The following CCBE1 variants were observed in gnomAD, a reference collection of about 807,000 sequenced individuals.
The protein encoded by CCBE1 is collagen and calcium binding EGF domains 1.
CCBE1 carries 37 observed loss-of-function variants against 50.0 expected under a neutral mutation model. The observed-to-expected ratio is 0.74, with a 90% confidence interval of 0.57 to 0.97. The LOEUF (loss-of-function observed/expected upper bound fraction) is 0.97. Ranked by LOEUF, CCBE1 falls within the 50% of genes least tolerant of loss-of-function variation. CCBE1 has a pLI of 0.00. For missense variants in CCBE1, 538 were observed against 523.8 expected, an observed-to-expected ratio of 1.03 and a Z score of -0.26; for synonymous variants, 234 against 203.7, an observed-to-expected ratio of 1.15 and a Z score of -1.27.
At chr18:59,692,049 A>C (rs1170648751) in intron 2 of CCBE1, among the ~76,000 whole-genome samples, 1 of 152,166 alleles carries the variant, frequency 6.6e-6, no homozygotes, top group South Asian at 2.1e-4. Context: ...TCCCCAGGGC[A>C]CTAGGTTTCT....
chr18:59,479,494 A>G (rs1371102985), intron 3 of CCBE1, among the ~76,000 whole-genome samples: 1 of 152,360 alleles, frequency 6.6e-6, no homozygotes, highest in Non-Finnish European at 1.5e-5. Context: ...CAAGCATATA[A>G]TAAGAAACAG....
chr18:59,454,386 A>T (rs993419184), intron 6 of CCBE1, among the ~76,000 whole-genome samples: 6 of 152,126 alleles, frequency 3.9e-5, no homozygotes, highest in African/African-American at 1.4e-4. Context: ...CTGGGATTAC[A>T]GGTGCCCACC....
At chr18:59,456,708 T>G (rs2143681886) in intron 5 of CCBE1, among the ~76,000 whole-genome samples, 1 of 152,272 alleles carries the variant, frequency 6.6e-6, no homozygotes, top group East Asian at 1.9e-4. Flanking sequence ...GAGGGAGAGA[T>G]GGGCATGAGG....
At chr18:59,581,029 T>C (rs918390945) in intron 2 of CCBE1, among the ~76,000 whole-genome samples, 15 of 152,138 alleles carry the variant, frequency 9.9e-5, no homozygotes, top group African/African-American at 3.4e-4. Flanking sequence ...CGCCAACACA[T>C]CTGAAACTGA....
chr18:59,689,397 C>T (rs1166723444), intron 2 of CCBE1, among the ~76,000 whole-genome samples: 1 of 152,224 alleles, frequency 6.6e-6, no homozygotes, highest in African/African-American at 2.4e-5. Context: ...ACTAGTTCTA[C>T]CACAACCAAT....
chr18:59,610,673 T>G (rs1016340641), intron 2 of CCBE1, among the ~76,000 whole-genome samples: 2 of 152,232 alleles, frequency 1.3e-5, no homozygotes, highest in South Asian at 2.1e-4. Flanking sequence ...GAAAGGAGCA[T>G]GGGTGCCTGC....
At chr18:59,539,863 G>C (rs1382950529) in intron 2 of CCBE1, among the ~76,000 whole-genome samples, 1 of 152,032 alleles carries the variant, frequency 6.6e-6, no homozygotes, top group African/African-American at 2.4e-5. Flanking sequence ...ACTTTCTATA[G>C]TTTACATTTT....
intron 2 of CCBE1, among the ~76,000 whole-genome samples, chr18:59,656,744 T>A (rs1371009029): frequency 1.3e-5 from 2 of 152,260 alleles, no homozygotes; most frequent in Non-Finnish European, 2.9e-5. Flanking sequence ...GAGCAAATGC[T>A]AATTTTGTAG....
At chr18:59,666,831 G>A (rs993803913) in intron 2 of CCBE1, among the ~76,000 whole-genome samples, 1 of 152,120 alleles carries the variant, frequency 6.6e-6, no homozygotes, top group Non-Finnish European at 1.5e-5. Context: ...TGGGTGTGGT[G>A]GTGCGTGCCT....
chr18:59,663,449 C>T (rs1385141937), intron 2 of CCBE1, among the ~76,000 whole-genome samples: 1 of 152,144 alleles, frequency 6.6e-6, no homozygotes, highest in East Asian at 1.9e-4. Context: ...GTGCCCCTTT[C>T]ATTTTTAAAA....
At position 59,672,524 on chromosome 18, in the gene CCBE1, A is replaced by C. The variant is rs566462907; in HGVS notation, c.212+24105T>G. ...CTGATTGATGAGGGACCAAGTGGAG[A>C]GGTCAGCTGGAAGAGAACTGAAGCA... On this transcript the variant is annotated intron_variant, in intron 2 of 10. Coordinates refer to ENST00000439986, the MANE Select transcript of CCBE1 (RefSeq NM_133459.4). Among the ~76,000 whole-genome samples the C allele has an allele frequency of 4.0e-4, 61 of 152,282 alleles. 1 individual carries two copies. The highest frequency in any genetic ancestry group is 1.4e-3 in the African/African-American group (60 of 41,562).
chr18:59,679,218 A>G (rs1264302316), intron 2 of CCBE1, among the ~76,000 whole-genome samples: 1 of 152,254 alleles, frequency 6.6e-6, no homozygotes, highest in East Asian at 1.9e-4. Context: ...TTTCTATTCT[A>G]GAAACTTGCC....
Position 59,637,880 on chromosome 18 carries a change from A to C in CCBE1, c.212+58749T>G, listed in dbSNP as rs561907608. 1.0e-3 allele frequency among the ~76,000 whole-genome samples: 157 copies of C among 152,296 alleles called. 1 individual carries two copies. Among genetic ancestry groups the C allele is most frequent in the African/African-American group, 3.7e-3 (152 of 41,570 alleles). On this transcript the variant is annotated intron_variant, in intron 2 of 10. Transcript: ENST00000439986. ...ACAAAATAAAAACCAGGCCTGGATC[A>C]CTTCCTAGGCATGCTCTAACCAAGC...
intron 2 of CCBE1, among the ~76,000 whole-genome samples, chr18:59,538,609 A>G (rs963306130): frequency 2.0e-5 from 3 of 151,478 alleles, no homozygotes; most frequent in Non-Finnish European, 2.9e-5. Flanking sequence ...CATCCTGGGG[A>G]AAAAAAAATG....
intron 2 of CCBE1, among the ~76,000 whole-genome samples, chr18:59,632,652 G>A (rs148107708): frequency 0.016 from 2,405 of 152,100 alleles, 71 homozygotes; most frequent in African/African-American, 0.056. Flanking sequence ...GCAGTGGCAC[G>A]ATCTTGGCTC....
chr18:59,559,331 A>G (rs1428838940), intron 2 of CCBE1, among the ~76,000 whole-genome samples: 1 of 152,202 alleles, frequency 6.6e-6, no homozygotes, highest in African/African-American at 2.4e-5. Context: ...CCTCTGTTGC[A>G]GGCTTACCCA....
intron 2 of CCBE1, among the ~76,000 whole-genome samples, chr18:59,510,271 C>G (rs935406256): frequency 1.3e-5 from 2 of 152,166 alleles, no homozygotes; most frequent in African/African-American, 2.4e-5. Context: ...ACAGAGGGAG[C>G]AGGGTGCTAT....
chr18:59,601,493 G>A lies in CCBE1; in HGVS notation c.212+95136C>T, dbSNP rs149507869. On this transcript the variant is annotated intron_variant, in intron 2 of 10. Transcript: ENST00000439986. ...CCATGATTGTGAGGCCTCTCCAGCC[G>A]TGTGGAACTGTGAGTCCATTAAACC... Among the ~76,000 whole-genome samples the A allele has an allele frequency of 3.2e-4, 48 of 152,220 alleles. No homozygotes were observed. In the East Asian group the frequency reaches 8.3e-3, roughly 26 times the overall value.
At chr18:59,643,884 T>C (rs2054022126) in intron 2 of CCBE1, among the ~76,000 whole-genome samples, 1 of 152,166 alleles carries the variant, frequency 6.6e-6, no homozygotes, top group African/African-American at 2.4e-5. Context: ...CTTCAGAACC[T>C]TTAACATGCA....
Sources: allele counts gnomAD v4.1 joint callset (sites outside exome capture counted in the v4.1 genomes callset), GRCh38; gene constraint gnomAD v4.1.1; transcripts MANE v1.5; gene names NCBI Gene and HGNC (gene_info 2026-07-23, HGNC 2026-07-21).